Variants in TPTE2 observed in about 807,000 individuals in gnomAD.
TPTE2 encodes phosphatidylinositol 3,4,5-trisphosphate 3-phosphatase TPTE2.
A neutral mutation model predicts 78.6 loss-of-function variants in TPTE2; 53 were observed. The observed-to-expected ratio is 0.67, with a 90% confidence interval of 0.54 to 0.85. The LOEUF (loss-of-function observed/expected upper bound fraction) is 0.85, where lower values mean the gene tolerates loss of function less well. Ranked by LOEUF, TPTE2 falls within the 40% of genes least tolerant of loss-of-function variation. The pLI is 0.00. For synonymous variants in TPTE2, 175 were observed against 206.2 expected (o/e 0.85, Z 1.30); for missense variants, 461 against 623.0 (o/e 0.74, Z 2.77).
intron 3 of TPTE2, among the ~76,000 whole-genome samples, chr13:19,489,590 A>G (rs1057450056): frequency 8.0e-5 from 12 of 150,430 alleles, no homozygotes; most frequent in Admixed American, 6.7e-4. Flanking sequence ...ATATGTATAT[A>G]TAGATATATA....
chr13:19,478,847 C>A (rs141737265), intron 4 of TPTE2, among the ~76,000 whole-genome samples: 3,727 of 152,230 alleles, frequency 0.024, 63 homozygotes, highest in Middle Eastern at 0.051. Context: ...AGGATGAGTT[C>A]ATGTCCTTTG....
the TPTE2 span, among the ~76,000 whole-genome samples, chr13:19,544,308 A>G: frequency 2.6e-5 from 4 of 152,006 alleles, no homozygotes; most frequent in African/African-American, 7.2e-5. Context: ...ATTTTTTTCA[A>G]AAGTATAATT....
At chr13:19,553,156 C>A in the TPTE2 span, among the ~76,000 whole-genome samples, 1 of 151,898 alleles carries the variant, frequency 6.6e-6, no homozygotes, top group African/African-American at 2.4e-5. Context: ...ATACTGAGTA[C>A]TTCCTCTGTG....
intron 1 of TPTE2, among the ~76,000 whole-genome samples, chr13:19,513,344 CCTAA>C (rs1440435511): frequency 6.6e-6 from 1 of 152,146 alleles, no homozygotes; most frequent in East Asian, 1.9e-4. Context: ...TTACTTAAGA[CCTAA>C]CTTTTTAGAA....
At chr13:19,450,291 T>C in exon 12 of TPTE2, 1 of 1,611,360 alleles carries the variant, frequency 6.2e-7, no homozygotes, top group Non-Finnish European at 8.5e-7. Context: ...TGATCATCAA[T>C]CATGATTCTA....
At chr13:19,555,803 C>CTTTTTTTTTTTTTT in the TPTE2 span, among the ~76,000 whole-genome samples, 2 of 81,038 alleles carry the variant, frequency 2.5e-5, no homozygotes, top group African/African-American at 5.1e-5. Context: ...CAACAAATTT[C>CTTTTTTTTTTTTTT]TTTTTTTTTT....
chr13:19,512,955 C>T (rs116825403), intron 1 of TPTE2, among the ~76,000 whole-genome samples: 2 of 152,130 alleles, frequency 1.3e-5, no homozygotes, highest in Admixed American at 6.5e-5. Context: ...GTTAAGCTGG[C>T]ATCTCATAAA....
intron 1 of TPTE2, among the ~76,000 whole-genome samples, chr13:19,524,837 T>C (rs1285937867): frequency 2.0e-5 from 3 of 151,988 alleles, no homozygotes; most frequent in African/African-American, 7.3e-5. Context: ...AATGAACAAA[T>C]ACATGGAAGC....
chr13:19,517,485 A>C (rs1230665611), intron 1 of TPTE2, among the ~76,000 whole-genome samples: 1 of 152,104 alleles, frequency 6.6e-6, no homozygotes, highest in South Asian at 2.1e-4. Context: ...TGGTCCTTCC[A>C]GCTGGGTATA....
intron 1 of TPTE2, among the ~76,000 whole-genome samples, chr13:19,533,293 T>C (rs1422703827): frequency 2.0e-5 from 3 of 152,154 alleles, no homozygotes; most frequent in Non-Finnish European, 2.9e-5. Flanking sequence ...ACAGAGAAAT[T>C]AGAGAACCAA....
At chr13:19,466,328 A>G (rs1879267673) in intron 7 of TPTE2, among the ~76,000 whole-genome samples, 1 of 152,214 alleles carries the variant, frequency 6.6e-6, no homozygotes, top group South Asian at 2.1e-4. Context: ...CTAGTCAGAG[A>G]ACCACATTGG....
chr13:19,489,825 T>C (rs1299670537), intron 3 of TPTE2, among the ~76,000 whole-genome samples: 1 of 151,838 alleles, frequency 6.6e-6, no homozygotes, highest in Non-Finnish European at 1.5e-5. Flanking sequence ...TAGTTTTCAG[T>C]GACACCACCA....
At position 19,500,539 on chromosome 13, in the gene TPTE2, A is replaced by G. The variant is rs570648352; in HGVS notation, c.11+2685T>C. On this transcript the variant is annotated intron_variant, in intron 1 of 19. Transcript: ENST00000400230. The stretch of plus-strand genomic sequence containing the variant: ...GTCATCCAGCATATAAACAGAGCCA[A>G]AGACAAAAACCACATGATTATCTCA... Among the ~76,000 whole-genome samples the G allele has an allele frequency of 3.3e-5, 5 of 152,246 alleles. No homozygotes were observed. The South Asian group carries it at 1.0e-3, about 32-fold the overall frequency.
chr13:19,467,353 T>A lies in TPTE2; in HGVS notation c.393-9A>T, dbSNP rs1405304108. 449 of 1,193,572 alleles carry A rather than the reference T, an allele frequency of 3.8e-4. No individual in the cohort carries two copies. The highest frequency in any genetic ancestry group is 1.2e-3 in the South Asian group (54 of 44,268). 73.9% of individuals were successfully genotyped at this position (1,193,572 alleles called of 1,614,324 possible). A position where few individuals can be genotyped will look rare whatever the true frequency, so the allele number is the denominator to read the frequency against. On this transcript the variant is annotated splice_polypyrimidine_tract_variant and intron_variant, in intron 6 of 19. Coordinates refer to ENST00000400230, the Ensembl canonical transcript of TPTE2. ...AAAAATACTGCTGTCTCCTGTAATA[T>A]AAAAAAAAAAAAAAAAAAGTTCATT... is the stretch of plus-strand genomic sequence containing the variant.
At chr13:19,560,669 G>C in the TPTE2 span, 1 of 1,538,752 alleles carries the variant, frequency 6.5e-7, no homozygotes, top group South Asian at 1.1e-5. Flanking sequence ...AGCTTCTCAG[G>C]CTCAACCACC....
chr13:19,493,374 T>A lies in TPTE2; in HGVS notation c.65+74A>T. 2.1e-5 allele frequency: 29 copies of A among 1,359,166 alleles called. No homozygotes were observed. In the South Asian group the frequency reaches 2.9e-4, roughly 14 times the overall value. The allele number at this position is 1,359,166 out of a possible 1,614,324, so 84.2% of individuals were successfully genotyped here. A position where few individuals can be genotyped will look rare whatever the true frequency, so the allele number is the denominator to read the frequency against. On this transcript the variant is annotated intron_variant, in intron 2 of 19. Coordinates refer to ENST00000400230, the Ensembl canonical transcript of TPTE2. ...ATGGATGGATGGATATATTTGCTCA[T>A]ATGCCTGTGTGTGTGTATAGTTCTA...
intron 10 of TPTE2, among the ~76,000 whole-genome samples, chr13:19,459,816 A>G (rs2497244): frequency 0.93 from 142,266 of 152,230 alleles, 66,756 homozygotes; most frequent in East Asian, 1. Context: ...TTCCTTGTCC[A>G]GATTGTCTGT....
chr13:19,460,497 T>C (rs954575974), intron 10 of TPTE2, among the ~76,000 whole-genome samples: 4 of 152,240 alleles, frequency 2.6e-5, no homozygotes, highest in African/African-American at 7.2e-5. Flanking sequence ...CTGCTTCTAA[T>C]TGGCCATCTT....
intron 4 of TPTE2, among the ~76,000 whole-genome samples, chr13:19,477,000 G>A (rs1393523867): frequency 6.6e-6 from 1 of 152,058 alleles, no homozygotes; most frequent in African/African-American, 2.4e-5. Context: ...AGAAAATGTG[G>A]TACATATATA....
Sources: allele counts gnomAD v4.1 joint callset (sites outside exome capture counted in the v4.1 genomes callset), GRCh38; gene constraint gnomAD v4.1.1; transcripts MANE v1.5; gene names NCBI Gene and HGNC (gene_info 2026-07-23, HGNC 2026-07-21).